Variants in TMEM178B observed in about 807,000 individuals in gnomAD.
The protein encoded by TMEM178B is transmembrane protein 178B.
In TMEM178B, 5 loss-of-function variants were observed where a neutral mutation model predicts 31.0. That is an observed-to-expected ratio of 0.16 (90% CI 0.08 to 0.34). The LOEUF (loss-of-function observed/expected upper bound fraction) is 0.34, where lower values mean the gene tolerates loss of function less well. Ranked by LOEUF, TMEM178B falls within the 10% of genes least tolerant of loss-of-function variation. TMEM178B has a pLI of 1.00. For synonymous variants in TMEM178B, 164 were observed against 164.0 expected (o/e 1.00, Z 0.00); for missense variants, 275 against 400.3 (o/e 0.69, Z 2.67).
intron 2 of TMEM178B, among the ~76,000 whole-genome samples, chr7:141,316,396 A>G (rs1467907931): frequency 6.6e-6 from 1 of 152,178 alleles, no homozygotes; most frequent in Non-Finnish European, 1.5e-5. Context: ...GTTTATATCC[A>G]TTTCCTAGGA....
intron 2 of TMEM178B, among the ~76,000 whole-genome samples, chr7:141,401,440 G>T (rs1401597256): frequency 6.6e-6 from 1 of 152,176 alleles, no homozygotes; most frequent in Non-Finnish European, 1.5e-5. Flanking sequence ...TAGAGACAGG[G>T]TCTTGCTCTG....
chr7:141,399,424 C>A (rs999758035), intron 2 of TMEM178B, among the ~76,000 whole-genome samples: 7 of 152,210 alleles, frequency 4.6e-5, no homozygotes, highest in African/African-American at 1.4e-4. Context: ...ATAGTCAGGG[C>A]AGAATCATGA....
chr7:141,447,676 G>A (rs1801785306), intron 3 of TMEM178B, among the ~76,000 whole-genome samples: 1 of 152,110 alleles, frequency 6.6e-6, no homozygotes, highest in Admixed American at 6.5e-5. Context: ...GCCACTCCCA[G>A]TTCCAGTGAG....
At chr7:141,394,907 A>G (rs778128635) in intron 2 of TMEM178B, among the ~76,000 whole-genome samples, 3 of 152,120 alleles carry the variant, frequency 2.0e-5, no homozygotes, top group African/African-American at 4.8e-5. Context: ...AGCCTGCTTT[A>G]AAGTTCTTGT....
chr7:141,255,470 C>A (rs1200631259), intron 2 of TMEM178B, among the ~76,000 whole-genome samples: 1 of 152,174 alleles, frequency 6.6e-6, no homozygotes, highest in Non-Finnish European at 1.5e-5. Flanking sequence ...AACAATGGAA[C>A]ACAACATTGG....
intron 2 of TMEM178B, among the ~76,000 whole-genome samples, chr7:141,406,920 T>C (rs1200562839): frequency 6.6e-6 from 1 of 152,194 alleles, no homozygotes; most frequent in African/African-American, 2.4e-5. Context: ...CCAGTTTCAC[T>C]GTAATGAATT....
chr7:141,395,972 C>T (rs978406760), intron 2 of TMEM178B, among the ~76,000 whole-genome samples: 4 of 152,128 alleles, frequency 2.6e-5, no homozygotes, highest in East Asian at 3.9e-4. Context: ...GGGAAATTTA[C>T]AACATACTAT....
At chr7:141,462,826 C>T (rs1259744068) in intron 3 of TMEM178B, among the ~76,000 whole-genome samples, 1 of 151,874 alleles carries the variant, frequency 6.6e-6, no homozygotes, top group African/African-American at 2.4e-5. Flanking sequence ...GTCCAGAGCA[C>T]CGAGACTATC....
At chr7:141,239,560 C>T (rs1251314892) in intron 2 of TMEM178B, among the ~76,000 whole-genome samples, 1 of 152,210 alleles carries the variant, frequency 6.6e-6, no homozygotes, top group Admixed American at 6.5e-5. Flanking sequence ...GGGTGGAACT[C>T]AGCCTCGAGT....
intron 2 of TMEM178B, among the ~76,000 whole-genome samples, chr7:141,224,622 G>A (rs1346773365): frequency 3.3e-5 from 5 of 152,152 alleles, no homozygotes; most frequent in Non-Finnish European, 4.4e-5. Context: ...GAGGCAGCAG[G>A]GCAAAGATCT....
intron 1 of TMEM178B, among the ~76,000 whole-genome samples, chr7:141,186,117 G>A (rs1371375803): frequency 2.6e-5 from 4 of 152,128 alleles, no homozygotes; most frequent in African/African-American, 9.7e-5. Context: ...GTGTGTATGT[G>A]TTAGGGTGGA....
At chr7:141,427,385 C>T (rs1801338232) in intron 2 of TMEM178B, among the ~76,000 whole-genome samples, 1 of 152,060 alleles carries the variant, frequency 6.6e-6, no homozygotes, top group South Asian at 2.1e-4. Flanking sequence ...GAATAGAGAG[C>T]CCAGAAATAA....
chr7:141,336,780 T>TCACCAC (rs1291382159), intron 2 of TMEM178B, among the ~76,000 whole-genome samples: 2 of 147,976 alleles, frequency 1.4e-5, no homozygotes, highest in Non-Finnish European at 3.0e-5. Context: ...ATCATCACCA[T>TCACCAC]CACCACCACA....
At position 141,415,640 on chromosome 7, in the gene TMEM178B, C is replaced by T. The variant is rs1223397321; in HGVS notation, c.497-21968C>T. Among the ~76,000 whole-genome samples, 3 of 152,138 alleles carry T rather than the reference C, an allele frequency of 2.0e-5. No homozygotes were observed. In the East Asian group the frequency reaches 5.8e-4, roughly 29 times the overall value. ...AAATCAGGTGAACTTGGCAACCTAT[C>T]AGAAATCCAGGGACAAAAAGGAATG... On this transcript the variant is annotated intron_variant, in intron 2 of 3. Transcript: ENST00000565468.
At chr7:141,140,908 C>A (rs73167436) in intron 1 of TMEM178B, among the ~76,000 whole-genome samples, 2,035 of 152,272 alleles carry the variant, frequency 0.013, 26 homozygotes, top group Non-Finnish European at 0.024. Context: ...ATTTTGATCA[C>A]CTGAATGGGG....
intron 1 of TMEM178B, among the ~76,000 whole-genome samples, chr7:141,098,894 T>A (rs1233954443): frequency 1.3e-5 from 2 of 152,240 alleles, no homozygotes; most frequent in Admixed American, 1.3e-4. Flanking sequence ...TGCCTTCACC[T>A]TTCCGATGAA....
At chr7:141,425,735 A>G (rs1563179330) in intron 2 of TMEM178B, among the ~76,000 whole-genome samples, 1 of 152,110 alleles carries the variant, frequency 6.6e-6, no homozygotes, top group South Asian at 2.1e-4. Context: ...GGCGAGTACA[A>G]ATTTTGCAAT....
chr7:141,129,280 A>G (rs377473846), intron 1 of TMEM178B, among the ~76,000 whole-genome samples: 6 of 152,260 alleles, frequency 3.9e-5, no homozygotes, highest in East Asian at 1.9e-4. Flanking sequence ...TGCAGCCATC[A>G]GTAGCTGAAA....
At chr7:141,118,531 AC>A in intron 1 of TMEM178B, among the ~76,000 whole-genome samples, 1 of 152,306 alleles carries the variant, frequency 6.6e-6, no homozygotes, top group East Asian at 1.9e-4. Flanking sequence ...TACAATAGTG[AC>A]TGATGGTGAT....
Sources: gnomAD v4.1 joint callset for allele counts (sites outside exome capture counted in the v4.1 genomes callset) on GRCh38, gnomAD v4.1.1 for gene constraint, MANE v1.5 for transcripts, NCBI Gene and HGNC (gene_info 2026-07-23, HGNC 2026-07-21) for gene names.